HDAC9: variants seen among roughly 807,000 people sequenced by gnomAD.
HDAC9 encodes MEF-2 interacting transcription repressor (MITR) protein.
HDAC9 carries 41 observed loss-of-function variants against 139.4 expected under a neutral mutation model. That is an observed-to-expected ratio of 0.29 (90% CI 0.23 to 0.38). The LOEUF (loss-of-function observed/expected upper bound fraction) is 0.38, where lower values mean the gene tolerates loss of function less well. Among genes scored for constraint, HDAC9 ranks in the 10% least tolerant of loss-of-function variants. HDAC9 has a pLI of 1.00. For missense variants in HDAC9, 1,147 were observed against 1,297.0 expected, an observed-to-expected ratio of 0.88 and a Z score of 1.78; for synonymous variants, 517 against 476.2, an observed-to-expected ratio of 1.09 and a Z score of -1.12.
chr7:18,724,786 A>C (rs992824721), intron 12 of HDAC9, among the ~76,000 whole-genome samples: 1 of 152,166 alleles, frequency 6.6e-6, no homozygotes, highest in African/African-American at 2.4e-5. Context: ...ACTAGAGAAT[A>C]AGCATAAAAA....
intron 1 of HDAC9, among the ~76,000 whole-genome samples, chr7:18,347,755 G>A (rs899634482): frequency 1.4e-4 from 21 of 151,838 alleles, no homozygotes; most frequent in Admixed American, 3.3e-4. Context: ...ATGCCACCAC[G>A]CCCGGCTAAT....
intron 17 of HDAC9, among the ~76,000 whole-genome samples, chr7:18,826,831 T>A (rs1470519752): frequency 6.6e-6 from 1 of 151,960 alleles, no homozygotes; most frequent in Non-Finnish European, 1.5e-5. Context: ...GCCCTAAATT[T>A]TTTTTTCTTC....
At chr7:18,201,493 A>G (rs1202253041) in intron 2 of HDAC9, among the ~76,000 whole-genome samples, 2 of 152,212 alleles carry the variant, frequency 1.3e-5, no homozygotes, top group South Asian at 2.1e-4. Flanking sequence ...CCACTCAGTC[A>G]TAGAGAAGTG....
chr7:18,087,469 CTG>C (rs1033443260), intron 1 of HDAC9, among the ~76,000 whole-genome samples: 15 of 152,192 alleles, frequency 9.9e-5, no homozygotes, highest in African/African-American at 3.4e-4. Flanking sequence ...GCTAGGCAAA[CTG>C]AGGCGAGCGG....
At chr7:18,548,274 A>G (rs147478983) in intron 2 of HDAC9, among the ~76,000 whole-genome samples, 3 of 152,212 alleles carry the variant, frequency 2.0e-5, no homozygotes, top group African/African-American at 7.2e-5. Flanking sequence ...AAACAATTAC[A>G]CTAGTAACAT....
intron 1 of HDAC9, among the ~76,000 whole-genome samples, chr7:18,436,331 T>A (rs1359825004): frequency 6.6e-6 from 1 of 152,184 alleles, no homozygotes; most frequent in Admixed American, 6.5e-5. Flanking sequence ...TAGGCAGTAA[T>A]CTTAACGGAA....
intron 2 of HDAC9, among the ~76,000 whole-genome samples, chr7:18,516,054 A>G (rs1803082614): frequency 6.6e-6 from 1 of 152,228 alleles, no homozygotes; most frequent in Non-Finnish European, 1.5e-5. Context: ...TCATACTTCA[A>G]ATATGGAGGT....
chr7:18,493,370 A>G (rs950507466), upstream of HDAC9, among the ~76,000 whole-genome samples: 1 of 151,934 alleles, frequency 6.6e-6, no homozygotes, highest in Non-Finnish European at 1.5e-5. Flanking sequence ...TTTATTTGGA[A>G]TATCTCAGAT....
At chr7:18,763,008 A>G (rs1043860463) in intron 15 of HDAC9, among the ~76,000 whole-genome samples, 23 of 152,198 alleles carry the variant, frequency 1.5e-4, no homozygotes, top group Non-Finnish European at 3.1e-4. Flanking sequence ...TTAACTTTTT[A>G]TAAGTGAATA....
chr7:18,298,145 G>T (rs1405428963), intron 1 of HDAC9, among the ~76,000 whole-genome samples: 2 of 152,120 alleles, frequency 1.3e-5, no homozygotes, highest in Admixed American at 1.3e-4. Flanking sequence ...CTAAAGTGGT[G>T]CTCAATGGTA....
chr7:18,219,840 A>T (rs529789925), intron 2 of HDAC9, among the ~76,000 whole-genome samples: 33 of 152,296 alleles, frequency 2.2e-4, no homozygotes, highest in African/African-American at 7.2e-4. Context: ...GTGAGAGTGG[A>T]TAGAATATGT....
intron 1 of HDAC9, among the ~76,000 whole-genome samples, chr7:18,387,730 A>G (rs370066738): frequency 6.6e-6 from 1 of 152,206 alleles, no homozygotes. Flanking sequence ...TTAAATAATA[A>G]TATCAGTTGG....
intron 1 of HDAC9, among the ~76,000 whole-genome samples, chr7:18,378,198 T>G (rs1438132904): frequency 2.0e-5 from 3 of 152,102 alleles, no homozygotes; most frequent in Non-Finnish European, 2.9e-5. Context: ...TATAAGAGAT[T>G]CGAGTAATCA....
intron 12 of HDAC9, among the ~76,000 whole-genome samples, chr7:18,715,276 A>G (rs965057337): frequency 3.3e-5 from 5 of 152,066 alleles, no homozygotes; most frequent in Non-Finnish European, 7.4e-5. Flanking sequence ...TTCTGTTTAA[A>G]TGCCAAAATA....
chr7:18,533,450 G>A (rs1245481066), intron 2 of HDAC9, among the ~76,000 whole-genome samples: 1 of 152,080 alleles, frequency 6.6e-6, no homozygotes, highest in Non-Finnish European at 1.5e-5. Context: ...TTACATACCT[G>A]AAAATGTCAT....
intron 2 of HDAC9, among the ~76,000 whole-genome samples, chr7:18,181,226 G>A (rs1050026936): frequency 4.6e-5 from 7 of 152,122 alleles, no homozygotes; most frequent in Admixed American, 3.3e-4. Context: ...TGCTGGCTTG[G>A]CTTGTAATTG....
intron 1 of HDAC9, among the ~76,000 whole-genome samples, chr7:18,488,634 A>G (rs1380182525): frequency 6.6e-6 from 1 of 151,984 alleles, no homozygotes; most frequent in Non-Finnish European, 1.5e-5. Flanking sequence ...GCAGCTTATA[A>G]CCAGAGTTTT....
At chr7:18,743,049 A>C (rs926526397) in intron 13 of HDAC9, among the ~76,000 whole-genome samples, 1 of 152,226 alleles carries the variant, frequency 6.6e-6, no homozygotes, top group Non-Finnish European at 1.5e-5. Flanking sequence ...TTTTCTTCAT[A>C]ATATCCGTAG....
At chr7:18,482,673 A>AT (rs1263529700) in intron 1 of HDAC9, among the ~76,000 whole-genome samples, 2 of 152,126 alleles carry the variant, frequency 1.3e-5, no homozygotes, top group Non-Finnish European at 2.9e-5. Context: ...AGCATCACAC[A>AT]TTTTTAAGAC....
Sources: gnomAD v4.1 joint callset for allele counts (sites outside exome capture counted in the v4.1 genomes callset) on GRCh38, gnomAD v4.1.1 for gene constraint, MANE v1.5 for transcripts, NCBI Gene and HGNC (gene_info 2026-07-23, HGNC 2026-07-21) for gene names.